MKLN1: variants seen among roughly 807,000 people sequenced by gnomAD.
The protein encoded by MKLN1 is muskelin.
MKLN1 carries 18 observed loss-of-function variants against 99.0 expected under a neutral mutation model. The observed-to-expected ratio is 0.18, with a 90% CI of 0.13 to 0.27. The LOEUF is 0.27. Among genes scored for constraint, MKLN1 ranks in the 10% least tolerant of loss-of-function variants. The pLI is 1.00. For synonymous variants in MKLN1, 288 were observed against 293.2 expected (o/e 0.98, Z 0.18); for missense variants, 621 against 875.9 (o/e 0.71, Z 3.67).
intron 1 of MKLN1, among the ~76,000 whole-genome samples, chr7:131,369,803 A>G (rs993482022): frequency 3.9e-5 from 6 of 152,266 alleles, no homozygotes; most frequent in Admixed American, 1.3e-4. Context: ...GTTTTTATGT[A>G]TATGTGTATG....
At chr7:131,127,165 CAAAAAAAAAAAAAA>C (rs59463348) in intron 1 of MKLN1, among the ~76,000 whole-genome samples, 1 of 98,752 alleles carries the variant, frequency 1.0e-5, no homozygotes, top group African/African-American at 3.4e-5. Context: ...AACTCCATCT[CAAAAAAAAAAAAAA>C]AAAGAAAGAA....
chr7:131,466,428 T>C lies in MKLN1; in HGVS notation c.1928+13T>C. 1 of 1,527,126 alleles carries C rather than the reference T, an allele frequency of 6.5e-7. No homozygotes were observed. The allele number at this position is 1,527,126 out of a possible 1,614,324, so 94.6% of individuals were successfully genotyped here. On this transcript the variant is annotated intron_variant, in intron 15 of 17. Coordinates refer to ENST00000352689, the MANE Select transcript of MKLN1 (RefSeq NM_013255.5). ...TAAGAAAACACAGGTATGAAAATAA[T>C]TCACTGAAAACATTTAATTAACATT...
At chr7:131,359,956 C>T (rs1201128663) in intron 1 of MKLN1, among the ~76,000 whole-genome samples, 7 of 151,886 alleles carry the variant, frequency 4.6e-5, no homozygotes, top group Non-Finnish European at 7.4e-5. Context: ...ACCATGTTGG[C>T]GAGGCTGGTC....
Position 131,363,207 on chromosome 7 carries a change from A to AT in MKLN1, c.99-12207dup, listed in dbSNP as rs1026832705. Among the ~76,000 whole-genome samples, 430 of 150,012 alleles carry AT rather than the reference A, an allele frequency of 2.9e-3. 1 individual carries two copies. Among genetic ancestry groups the AT allele is most frequent in the African/African-American group, 9.9e-3 (405 of 40,938 alleles). The stretch of plus-strand genomic sequence containing the variant: ...GTGTGGCTCCAGGCCGCATTTGTGA[A>AT]TTTTTTTTTTAATTGCACTTTTGAG... On this transcript the variant is annotated intron_variant, in intron 1 of 17. Coordinates refer to ENST00000352689, the MANE Select transcript of MKLN1 (RefSeq NM_013255.5).
chr7:131,241,707 T>A (rs1233949364), intron 3 of MKLN1, among the ~76,000 whole-genome samples: 2 of 152,210 alleles, frequency 1.3e-5, no homozygotes, highest in Non-Finnish European at 2.9e-5. Flanking sequence ...ACACCTAGCT[T>A]TTAAGTACTT....
chr7:131,255,425 A>G (rs984307420), intron 3 of MKLN1, among the ~76,000 whole-genome samples: 2 of 152,240 alleles, frequency 1.3e-5, no homozygotes, highest in African/African-American at 4.8e-5. Context: ...AACCAAACAT[A>G]CAATGTATAA....
intron 2 of MKLN1, among the ~76,000 whole-genome samples, chr7:131,173,659 C>T (rs1796248216): frequency 6.6e-6 from 1 of 152,116 alleles, no homozygotes; most frequent in Non-Finnish European, 1.5e-5. Context: ...GTGGAGGTTG[C>T]AGTGAGTTGA....
At chr7:131,430,903 G>A (rs542341635) in intron 9 of MKLN1, among the ~76,000 whole-genome samples, 5 of 152,076 alleles carry the variant, frequency 3.3e-5, no homozygotes, top group African/African-American at 9.6e-5. Flanking sequence ...CTCCAGCCTC[G>A]GTGACAGAGC....
intron 1 of MKLN1, among the ~76,000 whole-genome samples, chr7:131,340,752 CTT>C (rs1303621329): frequency 6.6e-6 from 1 of 152,054 alleles, no homozygotes; most frequent in Non-Finnish European, 1.5e-5. Context: ...TTAATTTTCT[CTT>C]TTTAGTGCAG....
chr7:131,351,601 A>G (rs920226191), intron 1 of MKLN1, among the ~76,000 whole-genome samples: 2 of 151,958 alleles, frequency 1.3e-5, no homozygotes, highest in Non-Finnish European at 2.9e-5. Flanking sequence ...AACTGGAACT[A>G]CAGGTGTGTG....
chr7:131,426,723 T>C (rs559042960), intron 8 of MKLN1, among the ~76,000 whole-genome samples: 6 of 152,246 alleles, frequency 3.9e-5, no homozygotes, highest in African/African-American at 1.2e-4. Context: ...GTGGAAATGA[T>C]GTTCATACTT....
At chr7:131,434,129 AC>A (rs1485978068) in intron 9 of MKLN1, among the ~76,000 whole-genome samples, 1 of 151,946 alleles carries the variant, frequency 6.6e-6, no homozygotes, top group Non-Finnish European at 1.5e-5. Flanking sequence ...CAGGTGATCC[AC>A]CCACCTCAAC....
chr7:131,196,525 T>A (rs1239866984), intron 2 of MKLN1, among the ~76,000 whole-genome samples: 1 of 43,180 alleles, frequency 2.3e-5, no homozygotes, highest in African/African-American at 7.6e-5. Context: ...CTCGACACAT[T>A]CATTTTTTTT....
chr7:131,358,410 T>C (rs1032837750), intron 1 of MKLN1, among the ~76,000 whole-genome samples: 3 of 152,222 alleles, frequency 2.0e-5, no homozygotes, highest in African/African-American at 7.2e-5. Context: ...TAATTATTTG[T>C]ATACATTTTT....
chr7:131,321,214 T>C (rs1379932380), intron 3 of MKLN1, among the ~76,000 whole-genome samples: 2 of 151,192 alleles, frequency 1.3e-5, no homozygotes, highest in African/African-American at 2.4e-5. Flanking sequence ...AAAAAGAAAA[T>C]GTGGCACATA....
chr7:131,117,915 C>G (rs1795303637), intron 1 of MKLN1, among the ~76,000 whole-genome samples: 1 of 152,176 alleles, frequency 6.6e-6, no homozygotes, highest in Non-Finnish European at 1.5e-5. Context: ...ATAGAGGTGT[C>G]AAGACCATGA....
intron 1 of MKLN1, among the ~76,000 whole-genome samples, chr7:131,370,117 C>T (rs1584661599): frequency 6.6e-6 from 1 of 152,208 alleles, no homozygotes. Flanking sequence ...GGATTACAGG[C>T]GTGAGCCACG....
chr7:131,252,027 G>C (rs1047867163), intron 3 of MKLN1, among the ~76,000 whole-genome samples: 3 of 152,136 alleles, frequency 2.0e-5, no homozygotes, highest in African/African-American at 7.2e-5. Flanking sequence ...GGGAAGATGA[G>C]GCATAATTCT....
At chr7:131,295,523 C>T (rs1397697095) in intron 3 of MKLN1, among the ~76,000 whole-genome samples, 1 of 148,660 alleles carries the variant, frequency 6.7e-6, no homozygotes, top group Non-Finnish European at 1.5e-5. Context: ...ACTAAAAGAT[C>T]TTACAGTTTT....
Sources: allele counts gnomAD v4.1 joint callset (sites outside exome capture counted in the v4.1 genomes callset), GRCh38; gene constraint gnomAD v4.1.1; transcripts MANE v1.5; gene names NCBI Gene and HGNC (gene_info 2026-07-23, HGNC 2026-07-21).